TXNRD1: variants seen among roughly 807,000 people sequenced by gnomAD.
The protein encoded by TXNRD1 is thioredoxin reductase 1.
Under a neutral mutation model 80.3 loss-of-function variants are expected in TXNRD1, and 57 were observed. The observed-to-expected ratio is 0.71, with a 90% confidence interval of 0.57 to 0.89. TXNRD1 has a LOEUF of 0.89. TXNRD1 is among the 40% of genes least tolerant of loss of function. The probability of loss-of-function intolerance (pLI) is 0.00; values close to 1 mark genes in which losing one functional copy is unlikely to be tolerated. For missense variants in TXNRD1, 730 were observed against 803.0 expected (o/e 0.91, Z 1.10); for synonymous variants, 291 against 285.2 (o/e 1.02, Z -0.20).
intron 1 of TXNRD1, among the ~76,000 whole-genome samples, chr12:104,218,025 C>T (rs536251001): frequency 1.3e-5 from 2 of 152,054 alleles, no homozygotes; most frequent in African/African-American, 4.8e-5. Flanking sequence ...TATACACACA[C>T]ACACCACATT....
intron 9 of TXNRD1, among the ~76,000 whole-genome samples, chr12:104,320,042 A>C (rs1159527375): frequency 6.6e-6 from 1 of 152,242 alleles, no homozygotes; most frequent in Non-Finnish European, 1.5e-5. Context: ...ATTTAGATTT[A>C]TCAGAATCTA....
intron 3 of TXNRD1, among the ~76,000 whole-genome samples, chr12:104,280,884 G>GAA (rs964349536): frequency 1.3e-5 from 2 of 151,932 alleles, no homozygotes; most frequent in Non-Finnish European, 2.9e-5. Context: ...AAAAAGAAAA[G>GAA]AAAAAAATCT....
At chr12:104,222,578 T>C (rs2032379684) in intron 1 of TXNRD1, among the ~76,000 whole-genome samples, 1 of 152,158 alleles carries the variant, frequency 6.6e-6, no homozygotes, top group Non-Finnish European at 1.5e-5. Flanking sequence ...TTGGGCCAGA[T>C]GCAGTGGCTC....
intron 16 of TXNRD1, among the ~76,000 whole-genome samples, chr12:104,344,394 C>T (rs1411768338): frequency 6.6e-6 from 1 of 151,344 alleles, no homozygotes; most frequent in African/African-American, 2.4e-5. Flanking sequence ...GAACTACTTG[C>T]GTTGATACTG....
chr12:104,345,472 C>A (rs1231647787), intron 16 of TXNRD1, among the ~76,000 whole-genome samples: 1 of 152,162 alleles, frequency 6.6e-6, no homozygotes, highest in Non-Finnish European at 1.5e-5. Flanking sequence ...TACTAGAATT[C>A]TAGAATTGCT....
At chr12:104,296,321 C>A (rs2034434060) in intron 4 of TXNRD1, among the ~76,000 whole-genome samples, 2 of 152,290 alleles carry the variant, frequency 1.3e-5, no homozygotes, top group South Asian at 4.1e-4. Flanking sequence ...AATGGAACTT[C>A]ATTCTTCTGT....
chr12:104,327,410 T>A, intron 12 of TXNRD1, 105 bp from the exon 13 acceptor site: 1 of 1,149,784 alleles, frequency 8.7e-7, no homozygotes, highest in Non-Finnish European at 1.2e-6. Flanking sequence ...AACATTGCCC[T>A]CAGCTAGAGT....
chr12:104,253,885 G>T (rs1312413138), intron 2 of TXNRD1, among the ~76,000 whole-genome samples: 4 of 152,076 alleles, frequency 2.6e-5, no homozygotes, highest in African/African-American at 7.2e-5. Flanking sequence ...TAGAGATGGG[G>T]TTTCACTATG....
intron 1 of TXNRD1, among the ~76,000 whole-genome samples, chr12:104,247,312 C>G (rs529787238): frequency 2.1e-4 from 32 of 152,262 alleles, no homozygotes; most frequent in Admixed American, 1.5e-3. Flanking sequence ...AGGCAATCTG[C>G]CTGCCTTAGC....
At chr12:104,305,861 T>C (rs2034890849) in intron 4 of TXNRD1, among the ~76,000 whole-genome samples, 1 of 152,240 alleles carries the variant, frequency 6.6e-6, no homozygotes, top group South Asian at 2.1e-4. Context: ...TTTTTCATCA[T>C]GTAACAACTT....
chr12:104,304,541 A>G, intron 4 of TXNRD1: 2 of 1,614,056 alleles, frequency 1.2e-6, no homozygotes, highest in African/African-American at 1.3e-5. Flanking sequence ...CAACATGCCT[A>G]CAAAGTTGCA....
rs954852108 is a variant in TXNRD1 at position 104,230,144 on chromosome 12, A to G, written c.91+14251A>G. ...GAGTGCAGTGGTGTGATCTTGGCTC[A>G]CTGCAACCTCCACCTCCCGGTTCAA... On this transcript the variant is annotated intron_variant, in intron 1 of 16. Coordinates refer to ENST00000525566, the MANE Select transcript of TXNRD1 (RefSeq NM_001093771.3). Among the ~76,000 whole-genome samples the G allele has an allele frequency of 2.6e-5, 4 of 151,772 alleles. No homozygotes were observed. In the South Asian group the frequency reaches 8.3e-4, roughly 32 times the overall value.
At chr12:104,228,053 G>A (rs916844647) in intron 1 of TXNRD1, among the ~76,000 whole-genome samples, 4 of 151,902 alleles carry the variant, frequency 2.6e-5, no homozygotes, top group Non-Finnish European at 4.4e-5. Flanking sequence ...CCGTAATCCC[G>A]GCACTTTGGG....
At chr12:104,293,230 A>G (rs2034291035) in intron 4 of TXNRD1, among the ~76,000 whole-genome samples, 1 of 152,202 alleles carries the variant, frequency 6.6e-6, no homozygotes, top group Non-Finnish European at 1.5e-5. Flanking sequence ...AAAAGTATTT[A>G]CTGGAATAAT....
chr12:104,310,139 T>C (rs1444888901), intron 4 of TXNRD1: 1 of 1,447,890 alleles, frequency 6.9e-7, no homozygotes. Context: ...AAGTTAAGGC[T>C]TTTTGTTTGT....
At chr12:104,291,741 C>T (rs1212794312) in intron 4 of TXNRD1, among the ~76,000 whole-genome samples, 1 of 152,172 alleles carries the variant, frequency 6.6e-6, no homozygotes, top group African/African-American at 2.4e-5. Context: ...TTCGGCCTTC[C>T]AAAGTGCTGG....
At chr12:104,221,474 C>T (rs7979945) in intron 1 of TXNRD1, among the ~76,000 whole-genome samples, 19,444 of 152,090 alleles carry the variant, frequency 0.13, 1,344 homozygotes, top group Middle Eastern at 0.22. Context: ...TGCACCACAA[C>T]GCCCGACTAA....
In TXNRD1 at chr12:104,332,673, C is replaced by G. The variant is rs34598284; in HGVS notation, c.1650+1032C>G. Among the ~76,000 whole-genome samples the G allele has an allele frequency of 9.6e-3, 1,395 of 145,208 alleles. 8 individuals carry two copies. Among genetic ancestry groups the G allele is most frequent in the Middle Eastern group, 0.019 (5 of 266 alleles). On this transcript the variant is annotated intron_variant, in intron 14 of 16. Coordinates refer to ENST00000525566, the MANE Select transcript of TXNRD1 (RefSeq NM_001093771.3). Reference sequence around the variant, plus strand: ...CTGAGGCAGGAGAATCGCTTGAACCCGGGAGGCGGAGGTTGCAGTGAGCCA... The same window carrying G: ...CTGAGGCAGGAGAATCGCTTGAACCGGGGAGGCGGAGGTTGCAGTGAGCCA...
Position 104,315,828 on chromosome 12 carries a change from AT to A in TXNRD1, c.663del (p.Gln222LysfsTer5), listed in dbSNP as rs1205703563. The A allele has an allele frequency of 3.1e-6, 5 of 1,612,564 alleles. No individual in the cohort carries two copies. The highest frequency in any genetic ancestry group is 3.4e-6 in the Non-Finnish European group (4 of 1,179,062). On this transcript the variant is annotated frameshift_variant, in exon 7 of 17. Coordinates refer to ENST00000525566, the MANE Select transcript of TXNRD1 (RefSeq NM_001093771.3). LOFTEE classifies it high-confidence loss of function. ...GGTTGCATACCTAAAAAACTGATGC[AT>A]CAAGCAGCTTTGTTAGGACAAGCCC... Reference protein sequence around the residue: ...NVGCIPKKLMHQAALLGQALQ... With the variant: ...NVGCIPKKLMXQAALLGQALQ...
Sources: allele counts gnomAD v4.1 joint callset (sites outside exome capture counted in the v4.1 genomes callset), GRCh38; gene constraint gnomAD v4.1.1; transcripts MANE v1.5; gene names NCBI Gene and HGNC (gene_info 2026-07-23, HGNC 2026-07-21).